SENP7: variants seen among roughly 807,000 people sequenced by gnomAD.
SENP7 encodes sentrin-specific protease 7.
In SENP7, 64 loss-of-function variants were observed where a neutral mutation model predicts 141.2. That is an observed-to-expected ratio of 0.45 (90% confidence interval 0.37 to 0.56). The LOEUF (loss-of-function observed/expected upper bound fraction) is 0.56, where lower values mean the gene tolerates loss of function less well. SENP7 is among the 20% of genes least tolerant of loss of function. SENP7 has a pLI of 0.00. For synonymous variants in SENP7, 382 were observed against 426.4 expected (o/e 0.90, Z 1.28); for missense variants, 1,025 against 1,212.2 (o/e 0.85, Z 2.29).
chr3:101,395,403 C>A (rs2060938661), intron 6 of SENP7, among the ~76,000 whole-genome samples: 1 of 152,154 alleles, frequency 6.6e-6, no homozygotes. Flanking sequence ...TGTCCTTTCC[C>A]CAGTGTATGT....
At chr3:101,386,041 A>G (rs2060642268) in intron 6 of SENP7, among the ~76,000 whole-genome samples, 1 of 152,150 alleles carries the variant, frequency 6.6e-6, no homozygotes, top group South Asian at 2.1e-4. Flanking sequence ...GAATACATGG[A>G]TAAAAAAAAA....
intron 3 of SENP7, among the ~76,000 whole-genome samples, chr3:101,475,311 C>A (rs1476964089): frequency 4.6e-5 from 7 of 152,108 alleles, no homozygotes; most frequent in Non-Finnish European, 1.0e-4. Context: ...CCCAAATGCC[C>A]ATCAATGACA....
In SENP7 at chr3:101,330,443, A is replaced by T. The variant is rs1242333962; in HGVS notation, c.2699-57T>A. 7 of 1,192,990 alleles carry T rather than the reference A, an allele frequency of 5.9e-6. No homozygotes were observed. The East Asian group carries it at 1.7e-4, about 29-fold the overall frequency. 73.9% of individuals were successfully genotyped at this position (1,192,990 alleles called of 1,614,324 possible). A position where few individuals can be genotyped will look rare whatever the true frequency, so the allele number is the denominator to read the frequency against. On this transcript the variant is annotated intron_variant, in intron 19 of 23. Coordinates refer to ENST00000394095, the MANE Select transcript of SENP7 (RefSeq NM_020654.5). The stretch of plus-strand genomic sequence containing the variant: ...TTTATTGCATGTTTTTATACAGGTA[A>T]CTTAGAAAAGCTTAAAATTATAATT...
At chr3:101,454,128 A>C (rs763417616) in intron 4 of SENP7, among the ~76,000 whole-genome samples, 21 of 152,208 alleles carry the variant, frequency 1.4e-4, no homozygotes, top group Non-Finnish European at 2.6e-4. Flanking sequence ...TTTGAAAAAA[A>C]GTTCAGCAGT....
At chr3:101,503,980 C>T (rs1468997966) in intron 1 of SENP7, among the ~76,000 whole-genome samples, 2 of 151,590 alleles carry the variant, frequency 1.3e-5, no homozygotes, top group African/African-American at 4.8e-5. Flanking sequence ...GAACTATACA[C>T]TAAAGATATG....
At chr3:101,360,995 A>C (rs935126344) in intron 11 of SENP7, among the ~76,000 whole-genome samples, 11 of 152,222 alleles carry the variant, frequency 7.2e-5, no homozygotes, top group Admixed American at 2.0e-4. Context: ...CTTGAGGCCA[A>C]GAGTTCAAGA....
chr3:101,457,000 T>C (rs2063375032), intron 4 of SENP7, among the ~76,000 whole-genome samples: 1 of 152,106 alleles, frequency 6.6e-6, no homozygotes, highest in Non-Finnish European at 1.5e-5. Flanking sequence ...GGCAAAGAAC[T>C]TTATTAACCT....
intron 6 of SENP7, among the ~76,000 whole-genome samples, chr3:101,393,454 C>T (rs2060874821): frequency 6.6e-6 from 1 of 151,604 alleles, no homozygotes; most frequent in South Asian, 2.1e-4. Flanking sequence ...GGGATACGTA[C>T]ATATCTAAAA....
At chr3:101,465,679 T>C (rs1271390401) in intron 3 of SENP7, among the ~76,000 whole-genome samples, 1 of 152,040 alleles carries the variant, frequency 6.6e-6, no homozygotes, top group African/African-American at 2.4e-5. Flanking sequence ...TAATGGTAAA[T>C]TGGAAGAAAA....
chr3:101,392,974 C>T (rs1191084398), intron 6 of SENP7, among the ~76,000 whole-genome samples: 1 of 151,988 alleles, frequency 6.6e-6, no homozygotes, highest in Non-Finnish European at 1.5e-5. Context: ...CAAAGCAAGA[C>T]CCCATCTCTT....
intron 2 of SENP7, among the ~76,000 whole-genome samples, chr3:101,494,732 T>A (rs1051850749): frequency 6.6e-6 from 1 of 152,172 alleles, no homozygotes; most frequent in Non-Finnish European, 1.5e-5. Flanking sequence ...CTGGGAGAAC[T>A]GGCTAGCCAT....
intron 11 of SENP7, chr3:101,357,428 A>T: frequency 1.1e-6 from 1 of 938,696 alleles, no homozygotes; most frequent in Non-Finnish European, 1.6e-6. Context: ...ACAAGGGAAA[A>T]AACCTTTGAC....
At chr3:101,385,906 G>T (rs1038208473) in intron 6 of SENP7, among the ~76,000 whole-genome samples, 22 of 152,138 alleles carry the variant, frequency 1.4e-4, no homozygotes, top group Non-Finnish European at 3.2e-4. Flanking sequence ...GAAAAATCAG[G>T]ATATCAAGAC....
At chr3:101,428,832 C>T (rs1358418861) in intron 4 of SENP7, among the ~76,000 whole-genome samples, 1 of 152,012 alleles carries the variant, frequency 6.6e-6, no homozygotes, top group Non-Finnish European at 1.5e-5. Context: ...TTAGGTCTTA[C>T]AGTTAAGTCT....
chr3:101,489,610 A>C (rs2064879113), intron 3 of SENP7, among the ~76,000 whole-genome samples: 1 of 149,592 alleles, frequency 6.7e-6, no homozygotes, highest in Admixed American at 6.7e-5. Context: ...AAAAGACTTA[A>C]CTAATTATAT....
chr3:101,458,914 T>C (rs763825753), intron 4 of SENP7, 41 bp downstream of exon 4: 6 of 1,169,820 alleles, frequency 5.1e-6, no homozygotes, highest in Admixed American at 4.3e-5. Context: ...GTCAACTTTA[T>C]AGGTTAAGCC....
intron 2 of SENP7, among the ~76,000 whole-genome samples, chr3:101,497,433 T>C (rs1175365621): frequency 6.6e-6 from 1 of 152,136 alleles, no homozygotes; most frequent in Non-Finnish European, 1.5e-5. Context: ...GGGAAAGTGG[T>C]TGATTCCAAG....
chr3:101,493,249 G>A lies in SENP7; in HGVS notation c.186+624C>T, dbSNP rs113251744. Among the ~76,000 whole-genome samples the A allele has an allele frequency of 1.3e-4, 20 of 152,270 alleles. 1 individual carries two copies. The highest frequency in any genetic ancestry group is 4.8e-4 in the African/African-American group (20 of 41,554). On this transcript the variant is annotated intron_variant, in intron 3 of 23. Coordinates refer to ENST00000394095, the MANE Select transcript of SENP7 (RefSeq NM_020654.5). ...CACTGGGGCCTTTCAGAGGTTGGAG[G>A]ATGGGAGGAGGGAGAGGAACAGGAA...
intron 3 of SENP7, among the ~76,000 whole-genome samples, chr3:101,478,089 G>A (rs981385353): frequency 1.3e-5 from 2 of 151,940 alleles, no homozygotes; most frequent in Non-Finnish European, 2.9e-5. Flanking sequence ...GATTATCAGA[G>A]ACTACTATGA....
Sources: allele counts gnomAD v4.1 joint callset (sites outside exome capture counted in the v4.1 genomes callset), GRCh38; gene constraint gnomAD v4.1.1; transcripts MANE v1.5; gene names NCBI Gene and HGNC (gene_info 2026-07-23, HGNC 2026-07-21).